The following DPH6 variants were observed in gnomAD, a reference collection of about 807,000 sequenced individuals.
DPH6 encodes the protein diphthamine biosynthesis 6, also known as diphthine--ammonia ligase.
A neutral mutation model predicts 38.2 loss-of-function variants in DPH6; 33 were observed. That is an observed-to-expected ratio of 0.86 (90% CI 0.65 to 1.15). DPH6 has a LOEUF of 1.15. Among genes scored for constraint, DPH6 ranks in the 50% most tolerant of loss-of-function variants. DPH6 has a pLI of 0.00. For synonymous variants in DPH6, 108 were observed against 103.0 expected, an observed-to-expected ratio of 1.05 and a Z score of -0.30; for missense variants, 325 against 320.0, an observed-to-expected ratio of 1.02 and a Z score of -0.12.
At position 35,480,871 on chromosome 15, in the gene DPH6, AG is replaced by A. The variant is rs199924473; in HGVS notation, c.313-26052del. ...GAATATTTCAGCTAATAAATGAAAC[AG>A]GAATGATAGAATTGTAATATCACCA... On this transcript the variant is annotated intron_variant, in intron 3 of 8. Coordinates refer to ENST00000256538, the MANE Select transcript of DPH6 (RefSeq NM_080650.4). Among the ~76,000 whole-genome samples the A allele has an allele frequency of 7.4e-3, 1,121 of 152,226 alleles. 12 individuals are homozygous for A. Among genetic ancestry groups the A allele is most frequent in the Non-Finnish European group, 0.012 (827 of 67,970 alleles).
intron 3 of DPH6, among the ~76,000 whole-genome samples, chr15:35,279,985 G>A (rs1595458997): frequency 6.6e-6 from 1 of 152,224 alleles, no homozygotes; most frequent in African/African-American, 2.4e-5. Context: ...CATGTACCAG[G>A]GAAAGGCCAT....
intron 3 of DPH6, among the ~76,000 whole-genome samples, chr15:35,356,745 G>A (rs944311316): frequency 1.3e-5 from 2 of 152,204 alleles, no homozygotes; most frequent in African/African-American, 2.4e-5. Flanking sequence ...CCCACTTGAG[G>A]AGGCAGTCTG....
At chr15:35,208,527 C>T in the DPH6 span, among the ~76,000 whole-genome samples, 3 of 152,178 alleles carry the variant, frequency 2.0e-5, no homozygotes, top group Non-Finnish European at 2.9e-5. Context: ...AGGGTACTAA[C>T]TCCAAAAAAG....
At chr15:35,214,774 T>C (rs1283189278), downstream of DPH6, among the ~76,000 whole-genome samples, 1 of 152,076 alleles carries the variant, frequency 6.6e-6, no homozygotes, top group Non-Finnish European at 1.5e-5. Flanking sequence ...ATCCGGCTAA[T>C]TTTTTGTATT....
At chr15:35,242,389 A>G (rs2051606712) in intron 3 of DPH6, among the ~76,000 whole-genome samples, 1 of 142,196 alleles carries the variant, frequency 7.0e-6, no homozygotes, top group Admixed American at 7.6e-5. Context: ...ACTTGACCTT[A>G]CTGTTTTAGC....
intron 3 of DPH6, among the ~76,000 whole-genome samples, chr15:35,506,099 A>G (rs907830344): frequency 5.9e-5 from 9 of 152,280 alleles, no homozygotes; most frequent in Admixed American, 2.0e-4. Context: ...CTTATCATGT[A>G]AAGTTTACTT....
In DPH6 at chr15:35,410,862, C is replaced by T. The variant is rs764511619; in HGVS notation, c.540G>A (p.Leu180=). The part of the protein sequence containing the change: ...LDPDKHLGKT[L]DQMEPYLIEL... The stretch of plus-strand genomic sequence containing the variant: ...CTATGAGATAAGGCTCCATTTGATC[C>T]AGGGTTTTCCCAAGATGCTTATCAG... The change falls in exon 6 of 9, where the codon CTG becomes CTA. Residue 180 remains leucine, a synonymous_variant. Coordinates refer to ENST00000256538, the MANE Select transcript of DPH6 (RefSeq NM_080650.4). 1.2e-6 allele frequency: 2 copies of T among 1,603,828 alleles called. No individual in the cohort carries two copies. The highest frequency in any genetic ancestry group is 2.2e-5 in the South Asian group (2 of 89,996).
chr15:35,338,951 A>C (rs1299641207), intron 3 of DPH6, among the ~76,000 whole-genome samples: 1 of 151,348 alleles, frequency 6.6e-6, no homozygotes, highest in Non-Finnish European at 1.5e-5. Context: ...CAAACACTGC[A>C]TGTTCTCAGT....
chr15:35,534,377 C>CACA (rs2055136296), intron 3 of DPH6, among the ~76,000 whole-genome samples: 1 of 104,220 alleles, frequency 9.6e-6, no homozygotes, highest in Non-Finnish European at 2.0e-5. Context: ...AACTCTGTCT[C>CACA]AAAAAAAAAA....
chr15:35,383,431 T>C (rs2052899002), intron 6 of DPH6, among the ~76,000 whole-genome samples: 1 of 152,228 alleles, frequency 6.6e-6, no homozygotes, highest in Non-Finnish European at 1.5e-5. Context: ...GAAAAATAGT[T>C]ATTAGCCAGG....
At chr15:35,446,294 A>G (rs1346157414) in intron 5 of DPH6, among the ~76,000 whole-genome samples, 2 of 149,078 alleles carry the variant, frequency 1.3e-5, no homozygotes, top group African/African-American at 5.0e-5. Flanking sequence ...GCAGAGGTGC[A>G]AAGACAGCTC....
At chr15:35,416,212 G>A (rs1248836133) in intron 5 of DPH6, among the ~76,000 whole-genome samples, 1 of 152,000 alleles carries the variant, frequency 6.6e-6, no homozygotes, top group Non-Finnish European at 1.5e-5. Context: ...ATTCAAAGCC[G>A]TCCTGGGTCG....
intron 5 of DPH6, among the ~76,000 whole-genome samples, chr15:35,441,619 T>A (rs928531166): frequency 6.6e-6 from 1 of 152,088 alleles, no homozygotes; most frequent in African/African-American, 2.4e-5. Context: ...ATGAGAACAC[T>A]TGGATACAGG....
chr15:35,461,768 TG>T (rs1468243761), intron 3 of DPH6, among the ~76,000 whole-genome samples: 1 of 152,148 alleles, frequency 6.6e-6, no homozygotes, highest in Non-Finnish European at 1.5e-5. Flanking sequence ...ACCAAGAATA[TG>T]TCAAAGGAAG....
At chr15:35,279,063 A>AT (rs1566858032) in intron 3 of DPH6, among the ~76,000 whole-genome samples, 159 of 131,246 alleles carry the variant, frequency 1.2e-3, no homozygotes, top group African/African-American at 2.9e-3. Context: ...AAAAAAAAAA[A>AT]AAAAAATATA....
intron 3 of DPH6, among the ~76,000 whole-genome samples, chr15:35,261,759 G>C (rs540321852): frequency 6.6e-6 from 1 of 151,948 alleles, no homozygotes; most frequent in Non-Finnish European, 1.5e-5. Flanking sequence ...CTTGAGCCCA[G>C]GAGGTCGAGG....
At chr15:35,398,525 C>A (rs111901346) in intron 6 of DPH6, among the ~76,000 whole-genome samples, 1 of 132,608 alleles carries the variant, frequency 7.5e-6, no homozygotes, top group Non-Finnish European at 1.6e-5. Flanking sequence ...GAGGATGGTG[C>A]GCTGAGAGAC....
At chr15:35,298,430 A>C (rs2052029797) in intron 3 of DPH6, 1 of 748,856 alleles carries the variant, frequency 1.3e-6, no homozygotes, top group Non-Finnish European at 2.5e-6. Flanking sequence ...AATTTCAAAC[A>C]ACACACTTTC....
downstream of DPH6, among the ~76,000 whole-genome samples, chr15:35,366,209 C>T (rs1208981716): frequency 2.7e-5 from 4 of 148,138 alleles, no homozygotes; most frequent in African/African-American, 1.0e-4. Context: ...GGCCTACCAT[C>T]CCAACACTTT....
Sources: gnomAD v4.1 joint callset for allele counts (sites outside exome capture counted in the v4.1 genomes callset) on GRCh38, gnomAD v4.1.1 for gene constraint, MANE v1.5 for transcripts, NCBI Gene and HGNC (gene_info 2026-07-23, HGNC 2026-07-21) for gene names.